TEP1: variants seen among roughly 807,000 people sequenced by gnomAD.
TEP1 encodes telomerase protein component 1.
Under a neutral mutation model 306.3 loss-of-function variants are expected in TEP1, and 241 were observed. The ratio of observed to expected loss-of-function variants is 0.79; its 90% CI spans 0.71 to 0.88. The LOEUF (loss-of-function observed/expected upper bound fraction) is 0.88. Among genes scored for constraint, TEP1 ranks in the 40% least tolerant of loss-of-function variants. TEP1 has a pLI of 0.00. For synonymous variants in TEP1, 1,289 were observed against 1,305.5 expected (o/e 0.99, Z 0.27); for missense variants, 3,051 against 3,276.1 (o/e 0.93, Z 1.68).
chr14:20,394,730 G>A (rs976697017), intron 12 of TEP1, among the ~76,000 whole-genome samples: 44 of 151,972 alleles, frequency 2.9e-4, no homozygotes, highest in African/African-American at 8.0e-4. Context: ...CACCTGCCTC[G>A]TGATCCACCT....
chr14:20,379,060 A>G lies in TEP1; in HGVS notation c.5173T>C (p.Leu1725=). Residue 1725 remains leucine (L), a synonymous_variant, in exon 36 of 55, where the codon TTG becomes CTG. Coordinates refer to ENST00000262715, the MANE Select transcript of TEP1 (RefSeq NM_007110.5). ...AAGAGTGTATCATCGGAGAGGAACA[A>G]ACAAGCAGAGATTCCATCACAGCCA... ...VSGCDGISAC[L]FLSDDTLFLT... The G allele has an allele frequency of 6.2e-7, 1 of 1,614,114 alleles. No individual in the cohort carries two copies.
rs1884824614 is a variant in TEP1 at position 20,371,314 on chromosome 14, C to T, written c.7221G>A (p.Trp2407Ter). ...TCATAGGATTTTCTGTATAGCTGCTCCTGGTTTGTGAGAAAGGAATAGGTT... is the reference window on the plus strand; with the variant it reads ...TCATAGGATTTTCTGTATAGCTGCTTCTGGTTTGTGAGAAAGGAATAGGTT... The part of the protein sequence containing the change: ...MKPGDAPSEI[W>*]SSYTENPMIL... The change falls in exon 51 of 55, where the codon TGG (tryptophan) becomes TGA (stop). Residue 2407 changes from tryptophan to a stop codon, truncating the protein, a stop_gained and splice_region_variant. Coordinates refer to ENST00000262715, the MANE Select transcript of TEP1 (RefSeq NM_007110.5). LOFTEE classifies it high-confidence loss of function. 6.2e-7 allele frequency: 1 copy of T among 1,613,756 alleles called. No individual in the cohort carries two copies. The highest frequency in any genetic ancestry group is 8.5e-7 in the Non-Finnish European group (1 of 1,179,808).
At chr14:20,375,544 G>A (rs908594977) in intron 43 of TEP1, among the ~76,000 whole-genome samples, 3 of 152,170 alleles carry the variant, frequency 2.0e-5, no homozygotes, top group African/African-American at 7.2e-5. Flanking sequence ...GAAAAATAGA[G>A]ATAAAAGGAG....
rs377389073 is a variant in TEP1 at position 20,377,635 on chromosome 14, C to A, written c.5840G>T (p.Arg1947Leu). The change falls in exon 40 of 55, where the codon CGA (arginine) becomes CTA (leucine). Residue 1947 changes from arginine (R) to leucine (L), a missense_variant. Physicochemically the swap from Arg to Leu is moderately radical, Grantham distance 102 (BLOSUM62 -2). Transcript: ENST00000262715. ...TTTGTAGATCCTAATGCCATCCGCT[C>A]GATATCCAACAGCCACCCGATCACC... The part of the protein sequence containing the change: ...PDGDRVAVGY[R>L]ADGIRIYKIS... 80 of 1,614,000 alleles carry A rather than the reference C, an allele frequency of 5.0e-5. No homozygotes were observed. Among genetic ancestry groups the A allele is most frequent in the Non-Finnish European group, 6.0e-5 (71 of 1,180,038 alleles).
chr14:20,380,382 T>C lies in TEP1; in HGVS notation c.4856A>G (p.Gln1619Arg). The C allele has an allele frequency of 6.2e-7, 1 of 1,614,222 alleles. No homozygotes were observed. The highest frequency in any genetic ancestry group is 1.1e-5 in the South Asian group (1 of 91,090). The change falls in exon 34 of 55, where the codon CAG becomes CGG. Residue 1619 changes from glutamine (Q) to arginine (R), a missense_variant. This residue lies in a region of TEP1 where 1,540 missense variants were observed against 1,705.9 expected (regional missense o/e 0.90). Coordinates refer to ENST00000262715, the MANE Select transcript of TEP1 (RefSeq NM_007110.5). ...CTGCTGGGGCAGGAGCCGGGGGTAC[T>C]GGCTGAGGATTGAAGCCTGCTGCCT... is the stretch of plus-strand genomic sequence containing the variant. ...FLRQQASILS[Q>R]YPRLLPQQAA...
rs773538734 is a variant in TEP1 at position 20,368,546 on chromosome 14, C to A, written c.7775G>T (p.Arg2592Leu). Residue 2592 changes from arginine to leucine, a missense_variant, in exon 55 of 55, where the codon CGA (arginine) becomes CTA (leucine). Physicochemically the swap from Arg to Leu is moderately radical, Grantham distance 102. This residue lies in a region of TEP1 where 1,540 missense variants were observed against 1,705.9 expected (regional missense o/e 0.90). Coordinates refer to ENST00000262715, the MANE Select transcript of TEP1 (RefSeq NM_007110.5). ...CAGGCAGCTCACTGACCCTTCGCAT[C>A]GGAACAGGCCCAGCTACGATGGGAA... ...RPSMQLLGLF[R>L]CEGSVSCLEP... 2 of 1,613,970 alleles carry A rather than the reference C, an allele frequency of 1.2e-6. No homozygotes were observed. The highest frequency in any genetic ancestry group is 1.7e-5 in the Admixed American group (1 of 59,978).
In TEP1 at chr14:20,368,577, A is replaced by T; in HGVS notation, c.7762-18T>A. On this transcript the variant is annotated intron_variant, in intron 54 of 54. Transcript: ENST00000262715. ...AGGCCCAGCTACGATGGGAACAAAAATAGGGGAGGTCAGGGCTACAAGCCT... is the reference window on the plus strand; with the variant it reads ...AGGCCCAGCTACGATGGGAACAAAATTAGGGGAGGTCAGGGCTACAAGCCT... 6.2e-7 allele frequency: 1 copy of T among 1,613,970 alleles called. No homozygotes were observed. Among genetic ancestry groups the T allele is most frequent in the Admixed American group, 1.7e-5 (1 of 60,020 alleles).
Position 20,385,069 on chromosome 14 carries a change from T to TC in TEP1, c.3022dup (p.Glu1008GlyfsTer38). On this transcript the variant is annotated frameshift_variant, in exon 21 of 55. Transcript: ENST00000262715. LOFTEE classifies it high-confidence loss of function. ...GTTCCGGTTCAGGAACTGCATCACC[T>TC]CCATCTCTGTCACAGAGCGCCCTGA... 6.2e-7 allele frequency: 1 copy of TC among 1,614,060 alleles called. No homozygotes were observed. The highest frequency in any genetic ancestry group is 8.5e-7 in the Non-Finnish European group (1 of 1,179,990).
Position 20,408,348 on chromosome 14 carries a change from A to G in TEP1, c.92T>C (p.Leu31Ser), listed in dbSNP as rs776870797. 1.9e-6 allele frequency: 3 copies of G among 1,612,478 alleles called. No individual in the cohort carries two copies. The highest frequency in any genetic ancestry group is 3.3e-5 in the Admixed American group (2 of 59,834). ...CLAMLPDLQP[L>S]EKLHQHVSTH... ...AGATACATGCTGATGTAGTTTCTCC[A>G]AGGGCTGTAAGTCAGGGAGCATAGC... The change falls in exon 2 of 55, where the codon TTG becomes TCG. Residue 31 changes from leucine to serine, a missense_variant. Around this residue, in one of 3 missense-constraint regions of TEP1, gnomAD observed 1,507 missense variants for 1,550.5 expected, o/e 0.97. Transcript: ENST00000262715.
Position 20,382,618 on chromosome 14 carries a change from C to G in TEP1, c.4140+5G>C, listed in dbSNP as rs1876678979. 2 of 1,614,058 alleles carry G rather than the reference C, an allele frequency of 1.2e-6. No individual in the cohort carries two copies. The highest frequency in any genetic ancestry group is 1.7e-6 in the Non-Finnish European group (2 of 1,179,936). On this transcript the variant is annotated splice_donor_5th_base_variant and intron_variant, in intron 28 of 54. Coordinates refer to ENST00000262715, the MANE Select transcript of TEP1 (RefSeq NM_007110.5). ...ATTAGGACTTGGAAGGTGATGAGAA[C>G]TGACCTGCTCATACAGCGTGAAGAG...
In TEP1 at chr14:20,383,210, G is replaced by C. The variant is rs773983990; in HGVS notation, c.4011C>G (p.Tyr1337Ter). 6.2e-7 allele frequency: 1 copy of C among 1,612,448 alleles called. No homozygotes were observed. Among genetic ancestry groups the C allele is most frequent in the African/African-American group, 1.3e-5 (1 of 74,846 alleles). ...ATGGTGACTCCTCCAGCCGCTTCCC[G>C]TACAGGGCCAGCTCCTCTCTCACCA... ...ARLVREELAL[Y>*]GKRLEESPFN... Residue 1337 changes from tyrosine to a stop codon, truncating the protein, a stop_gained, in exon 27 of 55, where the codon TAC becomes TAG. Coordinates refer to ENST00000262715, the MANE Select transcript of TEP1 (RefSeq NM_007110.5). LOFTEE classifies it high-confidence loss of function.
At chr14:20,387,313 G>A (rs1288418767) in intron 18 of TEP1, among the ~76,000 whole-genome samples, 22 of 148,104 alleles carry the variant, frequency 1.5e-4, no homozygotes, top group Admixed American at 1.3e-3. Flanking sequence ...TTGGGAGGTC[G>A]AGGCGGGCAG....
intron 43 of TEP1, among the ~76,000 whole-genome samples, chr14:20,374,739 G>C (rs1249238628): frequency 6.6e-6 from 1 of 152,116 alleles, no homozygotes; most frequent in Non-Finnish European, 1.5e-5. Flanking sequence ...ACTATTTAAT[G>C]AGTATAATGA....
At chr14:20,376,392 T>G in intron 41 of TEP1, 128 bp from the exon 42 acceptor site, 1 of 964,220 alleles carries the variant, frequency 1.0e-6, no homozygotes, top group Non-Finnish European at 1.5e-6. Flanking sequence ...ATGGGAGGGA[T>G]GCAGGGAGTC....
chr14:20,387,551 C>CA lies in TEP1; in HGVS notation c.2684+353dup, dbSNP rs34816712. ...TGGGCGACACAGCGAGACTCCGTCT[C>CA]AAAAAAAAAAAGAAATTAAGCAACT... On this transcript the variant is annotated intron_variant, in intron 18 of 54. Coordinates refer to ENST00000262715, the MANE Select transcript of TEP1 (RefSeq NM_007110.5). Among the ~76,000 whole-genome samples, 44 of 127,682 alleles carry CA rather than the reference C, an allele frequency of 3.4e-4. 1 individual carries two copies. The highest frequency in any genetic ancestry group is 1.1e-3 in the South Asian group (4 of 3,556). 83.8% of individuals were successfully genotyped at this position (127,682 alleles called of 152,430 possible).
At chr14:20,387,404 T>C (rs1479480436) in intron 18 of TEP1, among the ~76,000 whole-genome samples, 1 of 150,206 alleles carries the variant, frequency 6.7e-6, no homozygotes, top group Non-Finnish European at 1.5e-5. Flanking sequence ...AAAAAAAAAT[T>C]AGCCGGGCAT....
Position 20,386,429 on chromosome 14 carries a change from T to A in TEP1, c.2861+18A>T. 2 of 1,587,044 alleles carry A rather than the reference T, an allele frequency of 1.3e-6. No individual in the cohort carries two copies. The highest frequency in any genetic ancestry group is 1.7e-6 in the Non-Finnish European group (2 of 1,165,054). ...CCCTCATCCCCGACCCAGCCCCTCT[T>A]CTCTGCAGCCCCCACACCTGTTCCT... On this transcript the variant is annotated intron_variant, in intron 19 of 54. Coordinates refer to ENST00000262715, the MANE Select transcript of TEP1 (RefSeq NM_007110.5).
In TEP1 at chr14:20,383,223, T is replaced by A; in HGVS notation, c.3998A>T (p.Glu1333Val). Residue 1333 changes from glutamate to valine, a missense_variant, in exon 27 of 55, where the codon GAG becomes GTG. Glu to Val is a moderately radical substitution (Grantham distance 121). Transcript: ENST00000262715. Reference protein sequence around the residue: ...ASARARLVREELALYGKRLEE... With the variant: ...ASARARLVREVLALYGKRLEE... Reference sequence around the variant, plus strand: ...CAGCCGCTTCCCGTACAGGGCCAGCTCCTCTCTCACCAGCCGGGCCCGAGC... The same window carrying A: ...CAGCCGCTTCCCGTACAGGGCCAGCACCTCTCTCACCAGCCGGGCCCGAGC... 1 of 1,613,822 alleles carries A rather than the reference T, an allele frequency of 6.2e-7. No individual in the cohort carries two copies.
At chr14:20,374,632 T>C in intron 43 of TEP1, 96 bp from the exon 44 acceptor site, 1 of 764,322 alleles carries the variant, frequency 1.3e-6, no homozygotes, top group Admixed American at 2.8e-5. Context: ...AGCCACGTAA[T>C]TAAGGGCCTG....
Sources: allele counts gnomAD v4.1 joint callset (sites outside exome capture counted in the v4.1 genomes callset), GRCh38; gene constraint gnomAD v4.1.1; regional missense constraint gnomAD v4.1.1; transcripts MANE v1.5; gene names NCBI Gene and HGNC (gene_info 2026-07-23, HGNC 2026-07-21).